The following LIX1 variants were observed in gnomAD, a reference collection of about 807,000 sequenced individuals.
LIX1 encodes the protein protein limb expression 1 homolog.
Under a neutral mutation model 33.4 loss-of-function variants are expected in LIX1, and 24 were observed. The ratio of observed to expected loss-of-function variants is 0.72; its 90% CI spans 0.52 to 1.01. LIX1 has a LOEUF of 1.01. LIX1 is among the 50% of genes least tolerant of loss of function. The pLI is 0.00. For missense variants in LIX1, 311 were observed against 339.2 expected (o/e 0.92, Z 0.65); for synonymous variants, 124 against 124.0 (o/e 1.00, Z 0.00).
rs1436610365 is a variant in LIX1 at position 97,107,365 on chromosome 5, T to C, written c.382A>G (p.Thr128Ala). 6.2e-7 allele frequency: 1 copy of C among 1,612,168 alleles called. No individual in the cohort carries two copies. ...CCTCCATGGTGGGTACTCACGCTGG[T>C]GGAGGCTACTGCTTCCTGAACACTT... ...MESVQEAVASTSGTLDDADDP... is the reference protein window; with the variant it reads ...MESVQEAVASASGTLDDADDP... The change falls in exon 3 of 6, where the codon ACC becomes GCC. Residue 128 changes from threonine to alanine, a missense_variant. Physicochemically the swap from Thr to Ala is moderately conservative, Grantham distance 58. Transcript: ENST00000274382.
At chr5:97,099,792 G>A (rs1374450940) in intron 4 of LIX1, among the ~76,000 whole-genome samples, 2 of 152,108 alleles carry the variant, frequency 1.3e-5, no homozygotes, top group South Asian at 2.1e-4. Flanking sequence ...AGCTGCGATC[G>A]CGATACCACA....
intron 1 of LIX1, among the ~76,000 whole-genome samples, chr5:97,130,507 G>A (rs560640779): frequency 8.7e-4 from 133 of 152,330 alleles, no homozygotes; most frequent in Middle Eastern, 3.4e-3. Flanking sequence ...GAGCTCTGGA[G>A]AAAGCAGAGG....
At position 97,142,525 on chromosome 5, in the gene LIX1, G is replaced by A. The variant is rs758887825; in HGVS notation, c.52C>T (p.His18Tyr). ...TTGAAGACTAGAGCCGGATCTCTGT[G>A]AGGCAAGACTTGGGCAATGATGTGT... is the stretch of plus-strand genomic sequence containing the variant. ...LRHIIAQVLP[H>Y]RDPALVFKDL... The change falls in exon 1 of 6, where the codon CAC (histidine) becomes TAC (tyrosine). Residue 18 changes from histidine (H) to tyrosine (Y), a missense_variant. Transcript: ENST00000274382. 6.2e-7 allele frequency: 1 copy of A among 1,614,042 alleles called. No individual in the cohort carries two copies. Among genetic ancestry groups the A allele is most frequent in the Non-Finnish European group, 8.5e-7 (1 of 1,179,922 alleles).
chr5:97,142,448 G>T (rs2112804911), intron 1 of LIX1, 47 bp downstream of exon 1: 1 of 1,297,656 alleles, frequency 7.7e-7, no homozygotes, highest in Non-Finnish European at 1.1e-6. Flanking sequence ...TGACGTTTAG[G>T]ACTATTTTCT....
At chr5:97,123,228 TAGAAGTTC>T (rs1434408792) in intron 2 of LIX1, among the ~76,000 whole-genome samples, 1 of 152,214 alleles carries the variant, frequency 6.6e-6, no homozygotes, top group East Asian at 1.9e-4. Flanking sequence ...CTTAGAAATG[TAGAAGTTC>T]AACCCATATC....
intron 4 of LIX1, among the ~76,000 whole-genome samples, chr5:97,097,208 G>A (rs576318232): frequency 6.6e-6 from 1 of 152,330 alleles, no homozygotes; most frequent in African/African-American, 2.4e-5. Flanking sequence ...CAGGATATCT[G>A]AGAAATAGTG....
intron 1 of LIX1, among the ~76,000 whole-genome samples, chr5:97,138,886 A>G (rs1204692052): frequency 6.6e-6 from 1 of 152,202 alleles, no homozygotes; most frequent in Non-Finnish European, 1.5e-5. Context: ...TCATTGAAGC[A>G]TTTCAGATTT....
intron 2 of LIX1, among the ~76,000 whole-genome samples, chr5:97,116,887 AG>A (rs1418531641): frequency 1.3e-5 from 2 of 152,086 alleles, no homozygotes; most frequent in Non-Finnish European, 2.9e-5. Flanking sequence ...TTTATGAACT[AG>A]GGGCTGGGAG....
intron 4 of LIX1, among the ~76,000 whole-genome samples, chr5:97,101,153 G>T (rs982181287): frequency 1.3e-5 from 2 of 151,834 alleles, no homozygotes; most frequent in Non-Finnish European, 2.9e-5. Flanking sequence ...ACATGTTCAT[G>T]GTCTTTTATT....
At chr5:97,096,924 A>G (rs1428339466) in intron 4 of LIX1, 37 bp from the exon 5 acceptor site, 2 of 1,484,854 alleles carry the variant, frequency 1.3e-6, no homozygotes, top group Admixed American at 1.7e-5. Context: ...GTCCCAAAGC[A>G]GAAATGTGCA....
chr5:97,139,033 C>T (rs748058862), intron 1 of LIX1, among the ~76,000 whole-genome samples: 4 of 152,186 alleles, frequency 2.6e-5, no homozygotes, highest in Non-Finnish European at 5.9e-5. Context: ...TATTACAACA[C>T]TAATGACATG....
intron 4 of LIX1, among the ~76,000 whole-genome samples, chr5:97,101,180 T>C (rs1466486926): frequency 6.6e-6 from 1 of 152,210 alleles, no homozygotes; most frequent in African/African-American, 2.4e-5. Context: ...TCTGATATTT[T>C]GTTTATCGTG....
intron 2 of LIX1, 92 bp downstream of exon 2, chr5:97,124,374 C>T: frequency 4.4e-6 from 5 of 1,146,024 alleles, no homozygotes; most frequent in Admixed American, 2.5e-5. Flanking sequence ...TCACTATTTC[C>T]AAGAAAATTT....
At chr5:97,137,099 C>G (rs1282235337) in intron 1 of LIX1, 2 of 446,240 alleles carry the variant, frequency 4.5e-6, no homozygotes, top group Non-Finnish European at 9.0e-6. Flanking sequence ...AACTTAGAAA[C>G]TCACCCTTAT....
chr5:97,101,477 G>A (rs995841990), intron 4 of LIX1, among the ~76,000 whole-genome samples: 3 of 152,252 alleles, frequency 2.0e-5, no homozygotes, highest in Middle Eastern at 3.4e-3. Flanking sequence ...TTTGCACTGG[G>A]CCTGGCAAAT....
intron 1 of LIX1, among the ~76,000 whole-genome samples, chr5:97,135,388 A>T (rs1169760927): frequency 1.3e-5 from 2 of 152,196 alleles, no homozygotes; most frequent in Non-Finnish European, 2.9e-5. Flanking sequence ...TGTGGTTTAT[A>T]TGTGCACATT....
intron 1 of LIX1, among the ~76,000 whole-genome samples, chr5:97,140,253 T>G (rs1284574522): frequency 6.6e-6 from 1 of 152,194 alleles, no homozygotes; most frequent in Non-Finnish European, 1.5e-5. Context: ...TGTGTTTGTG[T>G]GTGTTTATTC....
At chr5:97,137,760 G>A (rs1748202694) in intron 1 of LIX1, among the ~76,000 whole-genome samples, 1 of 152,198 alleles carries the variant, frequency 6.6e-6, no homozygotes, top group Admixed American at 6.5e-5. Context: ...TTCAGGGGTG[G>A]TGGAATGCAA....
Position 97,107,387 on chromosome 5 carries a change from A to G in LIX1, c.360T>C (p.Ser120=), listed in dbSNP as rs1182671380. ...RRITKEFIME[S]VQEAVASTSG... ...TGGTGGAGGCTACTGCTTCCTGAAC[A>G]CTTTCCATAATGAATTCCTTGGTGA... Residue 120 remains serine, a synonymous_variant, in exon 3 of 6, where the codon AGT becomes AGC. Coordinates refer to ENST00000274382, the MANE Select transcript of LIX1 (RefSeq NM_153234.5). The G allele has an allele frequency of 1.2e-6, 2 of 1,612,380 alleles. No individual in the cohort carries two copies. Among genetic ancestry groups the G allele is most frequent in the Non-Finnish European group, 1.7e-6 (2 of 1,179,992 alleles).
Sources: gnomAD v4.1 joint callset for allele counts (sites outside exome capture counted in the v4.1 genomes callset) on GRCh38, gnomAD v4.1.1 for gene constraint, MANE v1.5 for transcripts, NCBI Gene and HGNC (gene_info 2026-07-23, HGNC 2026-07-21) for gene names.